Variants in CNTN4 observed in about 807,000 individuals in gnomAD.
CNTN4 encodes the protein contactin 4.
CNTN4 carries 77 observed loss-of-function variants against 122.5 expected under a neutral mutation model. That is an observed-to-expected ratio of 0.63 (90% confidence interval 0.52 to 0.76). The LOEUF (loss-of-function observed/expected upper bound fraction) is 0.76, where lower values mean the gene tolerates loss of function less well. Ranked by LOEUF, CNTN4 falls within the 30% of genes least tolerant of loss-of-function variation. The probability of loss-of-function intolerance (pLI) is 0.00; values close to 1 mark genes in which losing one functional copy is unlikely to be tolerated. For synonymous variants in CNTN4, 512 were observed against 447.0 expected, an observed-to-expected ratio of 1.15 and a Z score of -1.83; for missense variants, 1,256 against 1,259.1, an observed-to-expected ratio of 1.00 and a Z score of 0.04.
chr3:2,642,616 A>G lies in CNTN4; in HGVS notation c.55+71058A>G, dbSNP rs374096837. Among the ~76,000 whole-genome samples the G allele has an allele frequency of 4.9e-4, 74 of 152,260 alleles. No homozygotes were observed. The South Asian group carries it at 0.014, about 29-fold the overall frequency. ...TGTGTATACAGAAACAGGTATATGTATACATTCTTGTGTATATTGGTATTA... is the reference window on the plus strand; with the variant it reads ...TGTGTATACAGAAACAGGTATATGTGTACATTCTTGTGTATATTGGTATTA... On this transcript the variant is annotated intron_variant, in intron 4 of 24. Coordinates refer to ENST00000418658, the MANE Select transcript of CNTN4 (RefSeq NM_175607.3).
At chr3:2,436,792 A>G (rs1328081481) in intron 3 of CNTN4, among the ~76,000 whole-genome samples, 1 of 147,238 alleles carries the variant, frequency 6.8e-6, no homozygotes, top group Non-Finnish European at 1.5e-5. Context: ...ATATGTATAT[A>G]TTTTCTTCAA....
intron 12 of CNTN4, among the ~76,000 whole-genome samples, chr3:2,923,894 T>G (rs1382367623): frequency 2.6e-5 from 4 of 152,198 alleles, no homozygotes; most frequent in Non-Finnish European, 4.4e-5. Context: ...ACCCTACAAT[T>G]TTTATTGCAT....
chr3:2,919,000 G>T (rs1184521291), intron 12 of CNTN4, among the ~76,000 whole-genome samples: 2 of 152,106 alleles, frequency 1.3e-5, no homozygotes, highest in East Asian at 3.9e-4. Context: ...ATACACAAAA[G>T]GGAAAGAGGC....
intron 3 of CNTN4, among the ~76,000 whole-genome samples, chr3:2,429,546 G>A (rs1014684830): frequency 5.3e-5 from 8 of 152,168 alleles, no homozygotes; most frequent in East Asian, 3.9e-4. Flanking sequence ...CACTTGAGGC[G>A]GCAGTCTGTC....
chr3:2,366,485 T>C (rs4684346), intron 3 of CNTN4, among the ~76,000 whole-genome samples: 1 of 152,042 alleles, frequency 6.6e-6, no homozygotes, highest in Non-Finnish European at 1.5e-5. Context: ...CCCAGCACTT[T>C]GGGAGGCCGA....
chr3:2,382,782 G>A (rs192780914), intron 3 of CNTN4, among the ~76,000 whole-genome samples: 1 of 152,160 alleles, frequency 6.6e-6, no homozygotes, highest in Admixed American at 6.6e-5. Flanking sequence ...TGGATTAAAA[G>A]TAAGATAAAG....
At chr3:2,262,717 T>G (rs1430110338) in intron 2 of CNTN4, among the ~76,000 whole-genome samples, 1 of 152,096 alleles carries the variant, frequency 6.6e-6, no homozygotes, top group Non-Finnish European at 1.5e-5. Flanking sequence ...AATAACACTT[T>G]TTTAAATACT....
At chr3:2,148,719 G>A (rs1220575666) in intron 2 of CNTN4, among the ~76,000 whole-genome samples, 1 of 152,042 alleles carries the variant, frequency 6.6e-6, no homozygotes, top group Non-Finnish European at 1.5e-5. Context: ...AAATGAGTCG[G>A]TGAATGTTAA....
At position 2,398,920 on chromosome 3, in the gene CNTN4, G is replaced by T. The variant is rs956758392; in HGVS notation, c.-89+59687G>T. ...AACTATAGAATATGGAGGCTCAGGC[G>T]TTTCCATATATTGATTTATTACATA... On this transcript the variant is annotated intron_variant, in intron 3 of 24. Transcript: ENST00000418658. Among the ~76,000 whole-genome samples the T allele has an allele frequency of 3.3e-5, 5 of 152,006 alleles. No homozygotes were observed. In the East Asian group the frequency reaches 9.6e-4, roughly 29 times the overall value.
intron 4 of CNTN4, among the ~76,000 whole-genome samples, chr3:2,639,252 A>C (rs528076563): frequency 2.0e-5 from 3 of 151,860 alleles, no homozygotes; most frequent in African/African-American, 7.3e-5. Flanking sequence ...TCCTAATTCT[A>C]TTCTATGATA....
intron 4 of CNTN4, among the ~76,000 whole-genome samples, chr3:2,677,599 C>T (rs547599439): frequency 6.6e-6 from 1 of 152,028 alleles, no homozygotes; most frequent in Non-Finnish European, 1.5e-5. Flanking sequence ...GTAATACAGT[C>T]TTCATAAAGA....
At chr3:2,528,075 G>C (rs1056314733) in intron 3 of CNTN4, among the ~76,000 whole-genome samples, 2 of 152,052 alleles carry the variant, frequency 1.3e-5, no homozygotes, top group Non-Finnish European at 2.9e-5. Flanking sequence ...TCAGCTATGG[G>C]GTGAGGTAAG....
intron 13 of CNTN4, among the ~76,000 whole-genome samples, chr3:2,956,860 T>C (rs994934076): frequency 1.3e-5 from 2 of 152,212 alleles, no homozygotes; most frequent in African/African-American, 4.8e-5. Context: ...TCTACTTTTT[T>C]AGATTTCACA....
intron 2 of CNTN4, among the ~76,000 whole-genome samples, chr3:2,192,020 G>A (rs1167294727): frequency 6.6e-6 from 1 of 151,764 alleles, no homozygotes; most frequent in Admixed American, 6.6e-5. Context: ...GAGAATGATG[G>A]TTTCCAGCTT....
intron 7 of CNTN4, among the ~76,000 whole-genome samples, chr3:2,839,023 G>A (rs1280945686): frequency 6.6e-6 from 1 of 152,152 alleles, no homozygotes; most frequent in African/African-American, 2.4e-5. Flanking sequence ...AATGATGAAT[G>A]TCGTACTAAT....
At chr3:2,511,046 A>G (rs1414994010) in intron 3 of CNTN4, among the ~76,000 whole-genome samples, 1 of 152,136 alleles carries the variant, frequency 6.6e-6, no homozygotes, top group South Asian at 2.1e-4. Context: ...ACTGACTCTG[A>G]AAAGAACATA....
At chr3:2,966,786 T>C (rs1692356463) in intron 13 of CNTN4, among the ~76,000 whole-genome samples, 1 of 152,202 alleles carries the variant, frequency 6.6e-6, no homozygotes, top group South Asian at 2.1e-4. Context: ...TATACATTTT[T>C]AATGAAGAAA....
At chr3:2,179,662 T>G (rs146987601) in intron 2 of CNTN4, among the ~76,000 whole-genome samples, 1 of 151,490 alleles carries the variant, frequency 6.6e-6, no homozygotes, top group Non-Finnish European at 1.5e-5. Flanking sequence ...ACACTCAGTG[T>G]TTTTTTTAAT....
chr3:2,117,719 T>C (rs2033457646), intron 2 of CNTN4, among the ~76,000 whole-genome samples: 1 of 152,222 alleles, frequency 6.6e-6, no homozygotes, highest in Non-Finnish European at 1.5e-5. Flanking sequence ...GACAAATACA[T>C]ATATTTTACC....
Sources: allele counts gnomAD v4.1 joint callset (sites outside exome capture counted in the v4.1 genomes callset), GRCh38; gene constraint gnomAD v4.1.1; transcripts MANE v1.5; gene names NCBI Gene and HGNC (gene_info 2026-07-23, HGNC 2026-07-21).